CCNY: variants seen among roughly 807,000 people sequenced by gnomAD.
CCNY encodes the protein cyclin Y.
Under a neutral mutation model 42.8 loss-of-function variants are expected in CCNY, and 19 were observed. That is an observed-to-expected ratio of 0.44 (90% CI 0.31 to 0.65). The LOEUF is 0.65. Ranked by LOEUF, CCNY falls within the 30% of genes least tolerant of loss-of-function variation. CCNY has a pLI of 0.07. For synonymous variants in CCNY, 165 were observed against 162.7 expected (o/e 1.01, Z -0.11); for missense variants, 370 against 437.3 (o/e 0.85, Z 1.37).
At chr10:35,346,401 A>G (rs1250491017) in intron 1 of CCNY, among the ~76,000 whole-genome samples, 1 of 152,138 alleles carries the variant, frequency 6.6e-6, no homozygotes, top group Non-Finnish European at 1.5e-5. Context: ...TGCTAAAGCT[A>G]AAATTGAGCA....
intron 7 of CCNY, among the ~76,000 whole-genome samples, chr10:35,536,953 A>T (rs1478675897): frequency 6.6e-6 from 1 of 152,192 alleles, no homozygotes; most frequent in Non-Finnish European, 1.5e-5. Flanking sequence ...GACAATGGGG[A>T]AAATGTCTCC....
chr10:35,448,635 A>G (rs570399737), intron 1 of CCNY, among the ~76,000 whole-genome samples: 3 of 152,114 alleles, frequency 2.0e-5, no homozygotes, highest in Non-Finnish European at 2.9e-5. Flanking sequence ...GAGCTGAACC[A>G]TGTGACTCCT....
intron 3 of CCNY, among the ~76,000 whole-genome samples, chr10:35,270,865 A>T (rs1247382958): frequency 6.6e-6 from 1 of 151,372 alleles, no homozygotes; most frequent in African/African-American, 2.4e-5. Flanking sequence ...AGCTGGGACT[A>T]CAGGCGCCCG....
intron 3 of CCNY, among the ~76,000 whole-genome samples, chr10:35,304,545 C>T (rs1293065171): frequency 1.9e-5 from 1 of 53,644 alleles, no homozygotes; most frequent in South Asian, 6.4e-4. Context: ...CTCTTGACCT[C>T]GTGATCCGCC....
chr10:35,540,745 G>T (rs1316798043), intron 7 of CCNY, among the ~76,000 whole-genome samples: 1 of 152,156 alleles, frequency 6.6e-6, no homozygotes, highest in East Asian at 1.9e-4. Flanking sequence ...GTCAGTTGCA[G>T]TAGTTTGTGT....
chr10:35,481,060 T>G (rs902140231), intron 1 of CCNY, among the ~76,000 whole-genome samples: 3 of 152,224 alleles, frequency 2.0e-5, no homozygotes, highest in Admixed American at 6.5e-5. Flanking sequence ...TGGTGTATAT[T>G]CTTTTGATGT....
At chr10:35,481,040 A>G (rs1839656982) in intron 1 of CCNY, among the ~76,000 whole-genome samples, 2 of 152,212 alleles carry the variant, frequency 1.3e-5, no homozygotes, top group African/African-American at 4.8e-5. Context: ...ATTCAAAGAT[A>G]ACCAAATATT....
upstream of CCNY, among the ~76,000 whole-genome samples, chr10:35,334,031 G>C (rs1378112888): frequency 7.7e-6 from 1 of 129,468 alleles, no homozygotes; most frequent in South Asian, 2.7e-4. Context: ...TCAAAGAGGA[G>C]ATAGGGAAAG....
At position 35,433,637 on chromosome 10, in the gene CCNY, G is replaced by A. The variant is rs181187343; in HGVS notation, c.155-49767G>A. Among the ~76,000 whole-genome samples the A allele has an allele frequency of 1.6e-3, 237 of 152,292 alleles. 1 individual carries two copies. The highest frequency in any genetic ancestry group is 5.4e-3 in the African/African-American group (225 of 41,560). On this transcript the variant is annotated intron_variant, in intron 1 of 9. Coordinates refer to ENST00000374704, the MANE Select transcript of CCNY (RefSeq NM_145012.6). ...AGAAATAGTGGTTTTTTGAGATGAA[G>A]TTTCACTCTTGTCACCCAGGCTGGA...
At chr10:35,318,120 CAGG>C (rs1247025304) in intron 3 of CCNY, among the ~76,000 whole-genome samples, 2 of 152,034 alleles carry the variant, frequency 1.3e-5, no homozygotes, top group Non-Finnish European at 2.9e-5. Flanking sequence ...CCCAGCTACT[CAGG>C]AGGCTAAGGT....
At chr10:35,280,470 GGAAGGAAA>G (rs1336446737) in intron 3 of CCNY, among the ~76,000 whole-genome samples, 3 of 138,706 alleles carry the variant, frequency 2.2e-5, no homozygotes, top group South Asian at 2.4e-4. Flanking sequence ...AAGGGAGGAA[GGAAGGAAA>G]GAAGGAAGGA....
At chr10:35,485,704 G>A (rs1488821186) in intron 2 of CCNY, among the ~76,000 whole-genome samples, 4 of 133,826 alleles carry the variant, frequency 3.0e-5, no homozygotes, top group African/African-American at 8.6e-5. Flanking sequence ...TGGCCTGGGC[G>A]ACAGAGCGAG....
chr10:35,360,312 A>G, intron 1 of CCNY, among the ~76,000 whole-genome samples: 1 of 132,394 alleles, frequency 7.6e-6, no homozygotes. Flanking sequence ...TTTGAGATAG[A>G]GTCTCACTCT....
chr10:35,487,649 A>T (rs1406151195), intron 2 of CCNY, among the ~76,000 whole-genome samples: 1 of 152,080 alleles, frequency 6.6e-6, no homozygotes, highest in African/African-American at 2.4e-5. Flanking sequence ...TCCAAGCAGG[A>T]GACTAGGAAC....
chr10:35,357,590 G>A (rs564460428), intron 1 of CCNY, among the ~76,000 whole-genome samples: 1 of 152,324 alleles, frequency 6.6e-6, no homozygotes, highest in South Asian at 2.1e-4. Flanking sequence ...GCAGTGCCTC[G>A]TGTCAGAAGG....
In CCNY at chr10:35,543,660, ATACTT is replaced by A. The variant is rs369027897; in HGVS notation, c.580-9357_580-9353del. Among the ~76,000 whole-genome samples, 11 of 152,244 alleles carry A rather than the reference ATACTT, an allele frequency of 7.2e-5. No homozygotes were observed. In the South Asian group the frequency reaches 1.5e-3, roughly 20 times the overall value. On this transcript the variant is annotated intron_variant, in intron 7 of 9. Transcript: ENST00000374704. ...TACTGTTTAATGTGTTTACTATACT[ATACTT>A]TTTATTCTTAACTTTAGAATGTACT... is the stretch of plus-strand genomic sequence containing the variant.
At chr10:35,553,368 C>A (rs543712428) in intron 8 of CCNY, among the ~76,000 whole-genome samples, 183 bp downstream of exon 8, 1 of 152,288 alleles carries the variant, frequency 6.6e-6, no homozygotes, top group South Asian at 2.1e-4. Flanking sequence ...CTGCATTTCT[C>A]ATCATGTGGA....
At chr10:35,498,353 G>A (rs1440409671) in intron 2 of CCNY, among the ~76,000 whole-genome samples, 2 of 152,172 alleles carry the variant, frequency 1.3e-5, no homozygotes, top group Non-Finnish European at 2.9e-5. Context: ...TACCAGTTAG[G>A]AAATGATGGG....
At chr10:35,262,541 T>A (rs1379183048) in intron 3 of CCNY, among the ~76,000 whole-genome samples, 1 of 151,824 alleles carries the variant, frequency 6.6e-6, no homozygotes, top group Non-Finnish European at 1.5e-5. Context: ...TTATGTTTTT[T>A]AATAGAGATG....
Sources: allele counts gnomAD v4.1 joint callset (sites outside exome capture counted in the v4.1 genomes callset), GRCh38; gene constraint gnomAD v4.1.1; transcripts MANE v1.5; gene names NCBI Gene and HGNC (gene_info 2026-07-23, HGNC 2026-07-21).